SLC38A5: variants seen among roughly 807,000 people sequenced by gnomAD.
The protein encoded by SLC38A5 is sodium-coupled neutral amino acid transporter 5.
In SLC38A5, 9 loss-of-function variants were observed where a neutral mutation model predicts 34.6. The observed-to-expected ratio is 0.26, with a 90% CI of 0.16 to 0.45. The LOEUF is 0.45. SLC38A5 is among the 20% of genes least tolerant of loss of function. The pLI, the probability that SLC38A5 is intolerant of heterozygous loss-of-function variation, is 1.00. For synonymous variants in SLC38A5, 157 were observed against 155.6 expected (o/e 1.01, Z -0.07); for missense variants, 253 against 394.7 (o/e 0.64, Z 3.04).
chrX:48,459,438 C>G, intron 16 of SLC38A5, 98 bp downstream of exon 16: 8 of 764,422 alleles, frequency 1.0e-5, no homozygotes, highest in Non-Finnish European at 1.4e-5. Flanking sequence ...CTCCCAGCCC[C>G]CTCCTATGCA....
rs782633591 is a variant in SLC38A5 at position 48,466,860 on chromosome X, C to T, written c.258G>A (p.Leu86=). Reference sequence around the variant, plus strand: ...AGTAGGACGACAGAAGCGCAATGCACAGCAGCAGGGCCCTGCGGCAGGTGG... The same window carrying T: ...AGTAGGACGACAGAAGCGCAATGCATAGCAGCAGGGCCCTGCGGCAGGTGG... The part of the protein sequence containing the change: ...TGVIFFLALL[L]CIALLSSYSI... The change falls in exon 6 of 17, where the codon CTG becomes CTA. Residue 86 remains leucine, a synonymous_variant. Coordinates refer to ENST00000620913, the MANE Select transcript of SLC38A5 (RefSeq NM_033518.4). The T allele has an allele frequency of 8.3e-7, 1 of 1,206,969 alleles. No individual in the cohort carries two copies.
In SLC38A5 at chrX:48,467,881, T is replaced by C. The variant is rs150490837; in HGVS notation, c.44A>G (p.Asp15Gly). 1.1e-5 allele frequency: 13 copies of C among 1,205,479 alleles called. No homozygotes were observed. In the African/African-American group the frequency reaches 2.3e-4, roughly 21 times the overall value. The change falls in exon 3 of 17, where the codon GAT becomes GGT. Residue 15 changes from aspartate to glycine, a missense_variant. By Grantham distance (94) the Asp-to-Gly change is moderately conservative. Around this residue, in one of 3 missense-constraint regions of SLC38A5, gnomAD observed 40 missense variants for 36.4 expected, o/e 1.10. Coordinates refer to ENST00000620913, the MANE Select transcript of SLC38A5 (RefSeq NM_033518.4). The part of the protein sequence containing the change: ...DPKMNGALPS[D>G]AVGYRQEREG... Reference sequence around the variant, plus strand: ...TGGACCCCTGACTCACCCCACAGCATCCGAAGGGAGGGCTCCATTCATCTT... The same window carrying C: ...TGGACCCCTGACTCACCCCACAGCACCCGAAGGGAGGGCTCCATTCATCTT...
intron 8 of SLC38A5, among the ~76,000 whole-genome samples, chrX:48,463,853 G>GAAAGAA (rs1246979508): frequency 2.6e-5 from 2 of 76,986 alleles, no homozygotes; most frequent in Admixed American, 1.6e-4. Flanking sequence ...AAGAAAGAGA[G>GAAAGAA]AGAAAGAAAG....
In SLC38A5 at chrX:48,459,542, C is replaced by T. The variant is rs1556961374; in HGVS notation, c.1311G>A (p.Lys437=). Residue 437 remains lysine, a synonymous_variant, in exon 16 of 17, where the codon AAG becomes AAA. Coordinates refer to ENST00000620913, the MANE Select transcript of SLC38A5 (RefSeq NM_033518.4). The stretch of plus-strand genomic sequence containing the variant: ...TCTGCCCTGGAATGCTTACCTGGAT[C>T]TTGGGCCAGGATAAGAAAGGCTCCA... ...SEVEPFLSWP[K]IQALCFGVLG... 2 of 1,111,726 alleles carry T rather than the reference C, an allele frequency of 1.8e-6. No homozygotes were observed. Among genetic ancestry groups the T allele is most frequent in the South Asian group, 4.9e-5 (2 of 40,630 alleles). 91.6% of individuals were successfully genotyped at this position (1,111,726 alleles called of 1,213,427 possible). A position where few individuals can be genotyped will look rare whatever the true frequency, so the allele number is the denominator to read the frequency against.
chrX:48,467,983 G>A, intron 2 of SLC38A5, 58 bp from the exon 3 acceptor site: 1 of 1,095,710 alleles, frequency 9.1e-7, no homozygotes, highest in Non-Finnish European at 1.2e-6. Flanking sequence ...GCTTCAAAGT[G>A]AGGGGAGCTG....
At chrX:48,464,549 AC>A (rs1345311330) in intron 8 of SLC38A5, among the ~76,000 whole-genome samples, 9 of 112,531 alleles carry the variant, frequency 8.0e-5, no homozygotes, top group African/African-American at 2.9e-4. Flanking sequence ...TAATCCCAGC[AC>A]TTTGGGAGGC....
intron 8 of SLC38A5, among the ~76,000 whole-genome samples, chrX:48,465,512 T>C (rs1556962977): frequency 8.9e-6 from 1 of 111,913 alleles, no homozygotes; most frequent in Non-Finnish European, 1.9e-5. Context: ...GATCACACAC[T>C]CACAGCTAGA....
intron 2 of SLC38A5, 126 bp from the exon 3 acceptor site, chrX:48,468,051 G>A (rs943213562): frequency 2.0e-5 from 16 of 811,511 alleles, no homozygotes; most frequent in Non-Finnish European, 2.6e-5. Context: ...AAGAGACAAG[G>A]CAGGGGAGCA....
Position 48,458,685 on chromosome X carries a change from T to A in SLC38A5, c.*248A>T. On this transcript the variant is annotated 3_prime_UTR_variant, in exon 17 of 17. Transcript: ENST00000620913. ...CTCCTCCTCCTCCTCCTCCTCCTCC[T>A]CCTCCTCCTCTTCTTCCTCCTCCTC... 2.0e-6 allele frequency: 2 copies of A among 984,813 alleles called. No individual in the cohort carries two copies. The highest frequency in any genetic ancestry group is 1.3e-6 in the Non-Finnish European group (1 of 782,494). The allele number at this position is 984,813 out of a possible 1,213,427, so 81.2% of individuals were successfully genotyped here.
At chrX:48,466,365 C>T in intron 6 of SLC38A5, 43 bp from the exon 7 acceptor site, 3 of 1,153,794 alleles carry the variant, frequency 2.6e-6, no homozygotes, top group Non-Finnish European at 3.5e-6. Flanking sequence ...TCCAGGAGGC[C>T]AGGCCAGAGG....
intron 8 of SLC38A5, among the ~76,000 whole-genome samples, chrX:48,464,653 G>A (rs966708353): frequency 1.8e-5 from 2 of 112,370 alleles, no homozygotes; most frequent in African/African-American, 3.2e-5. Context: ...AAAATTAGCC[G>A]AGCATGGGGG....
rs782741272 is a variant in SLC38A5, at chrX:48,459,896, G to A, written c.1069-20C>T. The A allele has an allele frequency of 7.5e-6, 9 of 1,194,422 alleles. No individual in the cohort carries two copies. In the African/African-American group the frequency reaches 1.1e-4, roughly 14 times the overall value. On this transcript the variant is annotated intron_variant, in intron 14 of 16. Coordinates refer to ENST00000620913, the MANE Select transcript of SLC38A5 (RefSeq NM_033518.4). ...GCGGATCTGTGGCCAGAGTAGGGTG[G>A]GACAGAAGTCAGGACCCAAGTGCTG...
intron 4 of SLC38A5, 34 bp downstream of exon 4, chrX:48,467,676 G>A (rs1181157516): frequency 8.5e-7 from 1 of 1,180,308 alleles, no homozygotes; most frequent in Non-Finnish European, 1.1e-6. Flanking sequence ...GCTGGGGAAG[G>A]TGCCACCAGG....
At chrX:48,461,522 A>G (rs1302413230) in intron 12 of SLC38A5, among the ~76,000 whole-genome samples, 196 bp downstream of exon 12, 1 of 111,761 alleles carries the variant, frequency 8.9e-6, no homozygotes, top group Non-Finnish European at 1.9e-5. Flanking sequence ...AAAATAGGAG[A>G]ATACTTAAGC....
chrX:48,459,932 A>G, intron 14 of SLC38A5, 56 bp from the exon 15 acceptor site: 1 of 1,165,369 alleles, frequency 8.6e-7, no homozygotes, highest in Non-Finnish European at 1.1e-6. Context: ...CCCCCCTTCC[A>G]CGTGATCATC....
chrX:48,467,516 A>T (rs782117266), intron 4 of SLC38A5, 194 bp downstream of exon 4: 1 of 452,085 alleles, frequency 2.2e-6, no homozygotes, highest in East Asian at 3.7e-5. Context: ...AAGGCCAGGG[A>T]GAGAGCTGGA....
Position 48,468,308 on chromosome X carries a change from G to A in SLC38A5, c.-1-383C>T, listed in dbSNP as rs978355011. ...TCCTCCCAGACCCCAGACTCACGCT[G>A]TCTCTCTTGCCATCTGTGTCTTTCA... is the stretch of plus-strand genomic sequence containing the variant. On this transcript the variant is annotated intron_variant, in intron 2 of 16. Coordinates refer to ENST00000620913, the MANE Select transcript of SLC38A5 (RefSeq NM_033518.4). 3 of 827,970 alleles carry A rather than the reference G, an allele frequency of 3.6e-6. No homozygotes were observed. In the African/African-American group the frequency reaches 6.6e-5, roughly 18 times the overall value. The allele number at this position is 827,970 out of a possible 1,213,427, so 68.2% of individuals were successfully genotyped here.
intron 2 of SLC38A5, 186 bp downstream of exon 2, chrX:48,469,149 C>T (rs139955531): frequency 0.011 from 4,049 of 363,309 alleles, 19 homozygotes; most frequent in Middle Eastern, 0.041. Flanking sequence ...TCCGGAGCCT[C>T]CCACCCACAC....
At chrX:48,468,276 T>G in intron 2 of SLC38A5, 2 of 880,258 alleles carry the variant, frequency 2.3e-6, no homozygotes, top group Non-Finnish European at 2.8e-6. Context: ...GGAGAAGGGA[T>G]AGCCTCTCCT....
Sources: allele counts gnomAD v4.1 joint callset (sites outside exome capture counted in the v4.1 genomes callset), GRCh38; gene constraint gnomAD v4.1.1; regional missense constraint gnomAD v4.1.1; transcripts MANE v1.5; gene names NCBI Gene and HGNC (gene_info 2026-07-23, HGNC 2026-07-21).